The following DLG2 variants were observed in gnomAD, a reference collection of about 807,000 sequenced individuals.
The protein encoded by DLG2 is discs large MAGUK scaffold protein 2.
DLG2 carries 45 observed loss-of-function variants against 132.5 expected under a neutral mutation model. That is an observed-to-expected ratio of 0.34 (90% CI 0.27 to 0.44). The LOEUF (loss-of-function observed/expected upper bound fraction) is 0.44, where lower values mean the gene tolerates loss of function less well. Ranked by LOEUF, DLG2 falls within the 20% of genes least tolerant of loss-of-function variation. The probability of loss-of-function intolerance (pLI) is 1.00; values close to 1 mark genes in which losing one functional copy is unlikely to be tolerated. For synonymous variants in DLG2, 424 were observed against 419.6 expected, an observed-to-expected ratio of 1.01 and a Z score of -0.13; for missense variants, 1,045 against 1,196.9, an observed-to-expected ratio of 0.87 and a Z score of 1.87.
At chr11:85,349,821 T>G (rs2083141499) in intron 3 of DLG2, among the ~76,000 whole-genome samples, 1 of 152,140 alleles carries the variant, frequency 6.6e-6, no homozygotes, top group Admixed American at 6.5e-5. Context: ...CTGATGGACA[T>G]TTTGGTTGGT....
At chr11:85,408,531 T>C (rs1034434558) in intron 3 of DLG2, among the ~76,000 whole-genome samples, 17 of 144,164 alleles carry the variant, frequency 1.2e-4, no homozygotes, top group Admixed American at 1.0e-3. Flanking sequence ...TATCTCCCAA[T>C]GCTATCCCTC....
intron 21 of DLG2, among the ~76,000 whole-genome samples, chr11:83,505,129 C>T (rs552937882): frequency 6.6e-6 from 1 of 152,172 alleles, no homozygotes; most frequent in African/African-American, 2.4e-5. Flanking sequence ...GACAGGCATA[C>T]CCATATCCAG....
intron 7 of DLG2, among the ~76,000 whole-genome samples, chr11:84,516,825 A>G (rs184454358): frequency 4.0e-4 from 60 of 151,286 alleles, no homozygotes; most frequent in African/African-American, 1.3e-3. Flanking sequence ...AATCCTCAAC[A>G]TAATATTAGC....
chr11:85,547,473 C>A (rs2076406004), intron 3 of DLG2, among the ~76,000 whole-genome samples: 1 of 152,154 alleles, frequency 6.6e-6, no homozygotes, highest in Non-Finnish European at 1.5e-5. Flanking sequence ...TGGCGTTGTT[C>A]TTCTCAAGGA....
chr11:84,687,692 C>A (rs1411150496), intron 6 of DLG2, among the ~76,000 whole-genome samples: 2 of 152,132 alleles, frequency 1.3e-5, no homozygotes, highest in Non-Finnish European at 2.9e-5. Context: ...ACTAACATCA[C>A]CTTCTTTCCT....
At chr11:85,228,497 AC>A (rs1175731856) in intron 4 of DLG2, among the ~76,000 whole-genome samples, 2 of 152,028 alleles carry the variant, frequency 1.3e-5, no homozygotes, top group African/African-American at 4.8e-5. Context: ...AATCTTTTTA[AC>A]CTTTGTTGGT....
At chr11:84,817,834 G>A (rs372931240) in intron 6 of DLG2, among the ~76,000 whole-genome samples, 1 of 151,860 alleles carries the variant, frequency 6.6e-6, no homozygotes, top group Admixed American at 6.6e-5. Context: ...GAAACCAGAG[G>A]GAAAGAGAAA....
intron 7 of DLG2, among the ~76,000 whole-genome samples, chr11:84,276,353 G>A (rs2097783180): frequency 6.6e-6 from 1 of 152,096 alleles, no homozygotes; most frequent in South Asian, 2.1e-4. Flanking sequence ...ACTTTCATAA[G>A]TTCTAAACTT....
chr11:83,857,233 T>A (rs2060673602), intron 16 of DLG2, among the ~76,000 whole-genome samples: 4 of 152,354 alleles, frequency 2.6e-5, no homozygotes, highest in African/African-American at 9.6e-5. Flanking sequence ...TGTAATATAG[T>A]TTGAAGTCAG....
chr11:85,540,150 G>C (rs1565657477), intron 3 of DLG2, among the ~76,000 whole-genome samples: 1 of 152,198 alleles, frequency 6.6e-6, no homozygotes, highest in Non-Finnish European at 1.5e-5. Context: ...GAGAAGGCCA[G>C]GGTCCCTGGT....
intron 6 of DLG2, among the ~76,000 whole-genome samples, chr11:84,944,071 G>A (rs980217713): frequency 3.9e-5 from 6 of 152,142 alleles, no homozygotes; most frequent in Admixed American, 6.5e-5. Flanking sequence ...AGCCTGTAAA[G>A]ATTCTACCGA....
intron 17 of DLG2, among the ~76,000 whole-genome samples, chr11:83,787,864 C>G (rs2040451767): frequency 6.6e-6 from 1 of 152,068 alleles, no homozygotes; most frequent in Admixed American, 6.6e-5. Flanking sequence ...ATCAGTTCAG[C>G]CTAAGTCAAT....
rs553663661 is a variant in DLG2, at chr11:84,712,840, T to G, written c.358-178109A>C. Among the ~76,000 whole-genome samples the G allele has an allele frequency of 3.3e-5, 5 of 152,244 alleles. 1 individual carries two copies. In the South Asian group the frequency reaches 1.0e-3, roughly 32 times the overall value. ...CTTTTCTCACCTTGATTTCCAAAAC[T>G]TCTAGTTCAGAGTTAGAGGTCATGA... On this transcript the variant is annotated intron_variant, in intron 6 of 27. Coordinates refer to ENST00000376104, the MANE Select transcript of DLG2 (RefSeq NM_001142699.3).
chr11:84,945,985 C>T (rs912847932), intron 6 of DLG2, among the ~76,000 whole-genome samples: 4 of 151,820 alleles, frequency 2.6e-5, no homozygotes, highest in African/African-American at 9.7e-5. Context: ...CCTGTGGCTG[C>T]GAGTGTCTCA....
intron 3 of DLG2, among the ~76,000 whole-genome samples, chr11:85,469,044 C>T (rs995270376): frequency 6.6e-6 from 1 of 152,200 alleles, no homozygotes; most frequent in Non-Finnish European, 1.5e-5. Flanking sequence ...AGTGCACGTA[C>T]TCTTTTACCT....
intron 6 of DLG2, among the ~76,000 whole-genome samples, chr11:84,729,984 C>A (rs907530076): frequency 2.0e-5 from 3 of 151,994 alleles, no homozygotes; most frequent in African/African-American, 7.2e-5. Context: ...TGTCCCCTCA[C>A]AATTTTGCCT....
chr11:84,573,288 G>A (rs1003167525), intron 6 of DLG2, among the ~76,000 whole-genome samples: 2 of 151,946 alleles, frequency 1.3e-5, no homozygotes, highest in Non-Finnish European at 2.9e-5. Context: ...CTATTAAGTA[G>A]CAAGTGATAT....
chr11:83,861,369 C>T (rs2061427952), intron 16 of DLG2, among the ~76,000 whole-genome samples: 1 of 152,150 alleles, frequency 6.6e-6, no homozygotes, highest in African/African-American at 2.4e-5. Context: ...CCAGCACTCC[C>T]ACTGCTAGGT....
chr11:84,227,787 G>C (rs367570045), intron 8 of DLG2, among the ~76,000 whole-genome samples: 30 of 151,904 alleles, frequency 2.0e-4, no homozygotes, highest in Middle Eastern at 3.2e-3. Context: ...GGTGGTACAC[G>C]CCTGTACACC....
Sources: gnomAD v4.1 joint callset for allele counts (sites outside exome capture counted in the v4.1 genomes callset) on GRCh38, gnomAD v4.1.1 for gene constraint, MANE v1.5 for transcripts, NCBI Gene and HGNC (gene_info 2026-07-23, HGNC 2026-07-21) for gene names.